Variants in LHX8 observed in about 807,000 individuals in gnomAD.
The protein encoded by LHX8 is LIM homeobox 8.
In LHX8, 12 loss-of-function variants were observed where a neutral mutation model predicts 40.3. The ratio of observed to expected loss-of-function variants is 0.30; its 90% CI spans 0.19 to 0.48. The LOEUF (loss-of-function observed/expected upper bound fraction) is 0.48, where lower values mean the gene tolerates loss of function less well. Ranked by LOEUF, LHX8 falls within the 20% of genes least tolerant of loss-of-function variation. The probability of loss-of-function intolerance (pLI) is 0.99; values close to 1 mark genes in which losing one functional copy is unlikely to be tolerated. For synonymous variants in LHX8, 179 were observed against 162.0 expected (o/e 1.10, Z -0.80); for missense variants, 344 against 433.7 (o/e 0.79, Z 1.84).
the LHX8 span, among the ~76,000 whole-genome samples, chr1:75,180,772 T>G: frequency 6.6e-6 from 1 of 152,210 alleles, no homozygotes; most frequent in East Asian, 1.9e-4. Context: ...GAAGGGGCAC[T>G]CTGGTTTTTA....
chr1:75,166,424 A>C (rs1206624640), downstream of LHX8, among the ~76,000 whole-genome samples: 1 of 152,234 alleles, frequency 6.6e-6, no homozygotes, highest in Non-Finnish European at 1.5e-5. Context: ...TAATTTTCTT[A>C]AACCCAAAGG....
At chr1:75,191,773 G>A in the LHX8 span, among the ~76,000 whole-genome samples, 1 of 152,180 alleles carries the variant, frequency 6.6e-6, no homozygotes, top group Admixed American at 6.5e-5. Flanking sequence ...GGATATGAAA[G>A]TGGATTGCCA....
chr1:75,194,323 G>A, the LHX8 span, among the ~76,000 whole-genome samples: 1 of 152,188 alleles, frequency 6.6e-6, no homozygotes, highest in African/African-American at 2.4e-5. Context: ...TAGGGAGATA[G>A]TGAGGGGGCC....
upstream of LHX8, among the ~76,000 whole-genome samples, chr1:75,133,413 A>T (rs1406958627): frequency 6.6e-6 from 1 of 152,168 alleles, no homozygotes; most frequent in East Asian, 1.9e-4. Flanking sequence ...CAAATAAGGC[A>T]AGGAGATAAG....
At chr1:75,133,411 G>T (rs1395598517), upstream of LHX8, among the ~76,000 whole-genome samples, 2 of 152,052 alleles carry the variant, frequency 1.3e-5, no homozygotes, top group East Asian at 3.9e-4. Context: ...TACAAATAAG[G>T]CAAGGAGATA....
At chr1:75,158,078 C>A (rs1648817837) in intron 8 of LHX8, among the ~76,000 whole-genome samples, 1 of 152,174 alleles carries the variant, frequency 6.6e-6, no homozygotes, top group African/African-American at 2.4e-5. Context: ...TATGGTGTAA[C>A]TTCCTGATAT....
the LHX8 span, among the ~76,000 whole-genome samples, chr1:75,172,127 A>G: frequency 6.6e-6 from 1 of 152,154 alleles, no homozygotes; most frequent in Non-Finnish European, 1.5e-5. Flanking sequence ...CTTCAATTCC[A>G]TTTTAATATT....
chr1:75,163,889 G>T (rs1342536722), downstream of LHX8, among the ~76,000 whole-genome samples: 2 of 152,144 alleles, frequency 1.3e-5, no homozygotes, highest in Admixed American at 6.5e-5. Context: ...GACCTAAGGG[G>T]CTTGTTTGCC....
chr1:75,144,326 C>G (rs1465978326), intron 6 of LHX8, among the ~76,000 whole-genome samples: 1 of 152,064 alleles, frequency 6.6e-6, no homozygotes, highest in African/African-American at 2.4e-5. Flanking sequence ...CATACATGTC[C>G]CATGTGAGTC....
chr1:75,130,720 G>A, upstream of LHX8: 6 of 1,614,158 alleles, frequency 3.7e-6, no homozygotes, highest in Non-Finnish European at 5.1e-6. Flanking sequence ...GGGTTATGCA[G>A]ATTCTGAGCA....
the LHX8 span, among the ~76,000 whole-genome samples, chr1:75,189,595 G>A: frequency 6.6e-6 from 1 of 152,036 alleles, no homozygotes; most frequent in Non-Finnish European, 1.5e-5. Context: ...ACAGTTAAAT[G>A]TTTTCTAAGT....
upstream of LHX8, chr1:75,131,353 T>TTGACTATTG (rs1647955502): frequency 1.9e-5 from 3 of 158,698 alleles, no homozygotes; most frequent in East Asian, 3.6e-4. Flanking sequence ...AAGGGTTCAA[T>TTGACTATTG]AGTCAAGTTG....
the LHX8 span, among the ~76,000 whole-genome samples, chr1:75,179,273 G>T: frequency 6.6e-6 from 1 of 152,154 alleles, no homozygotes; most frequent in South Asian, 2.1e-4. Flanking sequence ...ACAGTGGTGT[G>T]TTAAAGTCTC....
At chr1:75,167,477 C>G in the LHX8 span, among the ~76,000 whole-genome samples, 1 of 152,138 alleles carries the variant, frequency 6.6e-6, no homozygotes, top group African/African-American at 2.4e-5. Context: ...CTCCTTTCTC[C>G]ATTTCTCTTT....
chr1:75,175,929 T>G, the LHX8 span, among the ~76,000 whole-genome samples: 1 of 152,172 alleles, frequency 6.6e-6, no homozygotes, highest in African/African-American at 2.4e-5. Flanking sequence ...GTGTTTGGCT[T>G]TCTGTCCTTG....
chr1:75,131,452 G>A (rs1647957061), upstream of LHX8: 2 of 153,170 alleles, frequency 1.3e-5, no homozygotes, highest in South Asian at 4.1e-4. Context: ...TGTCAATGCA[G>A]GCTTAATTTC....
Position 75,143,131 on chromosome 1 carries a change from C to A in LHX8, c.373C>A (p.Arg125Ser), listed in dbSNP as rs1648361638. The change falls in exon 5 of 9, where the codon CGC (arginine) becomes AGC (serine). Residue 125 changes from arginine to serine, a missense_variant. By Grantham distance (110) the Arg-to-Ser change is moderately radical (BLOSUM62 -1). Around this residue, in one of 3 missense-constraint regions of LHX8, gnomAD observed 147 missense variants for 250.8 expected, o/e 0.59. Transcript: ENST00000356261. Reference protein sequence around the residue: ...KLDYFRRYGTRCSRCGRHIHS... With the variant: ...KLDYFRRYGTSCSRCGRHIHS... ...TATTTAATGTAGAAGGTATGGAACT[C>A]GCTGCTCTCGATGTGGGAGACACAT... 2 of 1,613,450 alleles carry A rather than the reference C, an allele frequency of 1.2e-6. No homozygotes were observed. The highest frequency in any genetic ancestry group is 1.7e-6 in the Non-Finnish European group (2 of 1,179,584).
the LHX8 span, among the ~76,000 whole-genome samples, chr1:75,184,895 A>C: frequency 1.3e-5 from 2 of 151,880 alleles, no homozygotes; most frequent in Non-Finnish European, 2.9e-5. Flanking sequence ...GATGCAAATA[A>C]AAACAATTAG....
upstream of LHX8, chr1:75,130,286 G>A (rs987512636): frequency 9.2e-6 from 2 of 216,542 alleles, no homozygotes; most frequent in African/African-American, 2.2e-5. Flanking sequence ...GGCGCTCTGC[G>A]AACCGGCTGG....
Sources: gnomAD v4.1 joint callset for allele counts (sites outside exome capture counted in the v4.1 genomes callset) on GRCh38, gnomAD v4.1.1 for gene constraint, gnomAD v4.1.1 regional missense constraint, MANE v1.5 for transcripts, NCBI Gene and HGNC (gene_info 2026-07-23, HGNC 2026-07-21) for gene names.